Variants in MAP2 observed in about 807,000 individuals in gnomAD.
MAP2 encodes the protein microtubule associated protein 2.
Under a neutral mutation model 137.6 loss-of-function variants are expected in MAP2, and 14 were observed. The ratio of observed to expected loss-of-function variants is 0.10; its 90% confidence interval spans 0.07 to 0.16. MAP2 has a LOEUF of 0.16. Ranked by LOEUF, MAP2 falls within the 10% of genes least tolerant of loss-of-function variation. The pLI is 1.00. For missense variants in MAP2, 2,088 were observed against 2,191.5 expected (o/e 0.95, Z 0.94); for synonymous variants, 786 against 782.3 (o/e 1.00, Z -0.08).
chr2:209,685,092 A>G (rs1328871728), intron 7 of MAP2, among the ~76,000 whole-genome samples: 1 of 152,094 alleles, frequency 6.6e-6, no homozygotes, highest in Non-Finnish European at 1.5e-5. Flanking sequence ...TTTGCCCAAA[A>G]TGTTATGGTT....
intron 7 of MAP2, among the ~76,000 whole-genome samples, chr2:209,684,300 T>C (rs1241359619): frequency 6.6e-6 from 1 of 152,196 alleles, no homozygotes; most frequent in Admixed American, 6.6e-5. Flanking sequence ...TGTGGTGACC[T>C]AATCATCGCG....
intron 1 of MAP2, among the ~76,000 whole-genome samples, chr2:209,488,636 G>A (rs1445204419): frequency 6.6e-6 from 1 of 152,130 alleles, no homozygotes; most frequent in Non-Finnish European, 1.5e-5. Context: ...GCTTGGGTAG[G>A]TGGCTTTCCC....
At chr2:209,541,547 T>G (rs2067044219) in intron 2 of MAP2, among the ~76,000 whole-genome samples, 1 of 145,584 alleles carries the variant, frequency 6.9e-6, no homozygotes, top group Admixed American at 6.6e-5. Flanking sequence ...TTGATAGCAT[T>G]TCAACCACAG....
At chr2:209,655,667 G>A (rs934264610) in intron 5 of MAP2, among the ~76,000 whole-genome samples, 1 of 152,128 alleles carries the variant, frequency 6.6e-6, no homozygotes, top group Non-Finnish European at 1.5e-5. Flanking sequence ...CTTTGATGAT[G>A]GAGACTATAG....
At chr2:209,540,859 G>A (rs2066901720) in intron 2 of MAP2, among the ~76,000 whole-genome samples, 1 of 150,382 alleles carries the variant, frequency 6.6e-6, no homozygotes. Flanking sequence ...GTACCCTGGA[G>A]TTACTGCAGG....
chr2:209,704,884 A>G (rs1285895835), intron 11 of MAP2, among the ~76,000 whole-genome samples: 2 of 151,218 alleles, frequency 1.3e-5, no homozygotes, highest in African/African-American at 4.8e-5. Context: ...TAAAATATCA[A>G]ATGCAAACTA....
chr2:209,477,161 G>A (rs1311732478), intron 1 of MAP2, among the ~76,000 whole-genome samples: 1 of 152,138 alleles, frequency 6.6e-6, no homozygotes, highest in East Asian at 1.9e-4. Context: ...ACAAGTGTTA[G>A]TTTCTGTGCT....
At chr2:209,480,116 T>C (rs1457323274) in intron 1 of MAP2, among the ~76,000 whole-genome samples, 1 of 152,166 alleles carries the variant, frequency 6.6e-6, no homozygotes, top group African/African-American at 2.4e-5. Context: ...AATATGCACA[T>C]TGACTAAGAG....
At chr2:209,550,668 A>C (rs1173565195) in intron 2 of MAP2, among the ~76,000 whole-genome samples, 1 of 152,162 alleles carries the variant, frequency 6.6e-6, no homozygotes, top group African/African-American at 2.4e-5. Flanking sequence ...ATGATTAATA[A>C]ATAATCAAGA....
chr2:209,631,034 AAGAG>A (rs869180815), intron 4 of MAP2, among the ~76,000 whole-genome samples: 10 of 100,694 alleles, frequency 9.9e-5, no homozygotes, highest in East Asian at 2.7e-4. Flanking sequence ...AAAAAAAAAA[AAGAG>A]AGAGAGAGAG....
chr2:209,621,653 C>T (rs2091235473), intron 3 of MAP2, among the ~76,000 whole-genome samples: 1 of 152,124 alleles, frequency 6.6e-6, no homozygotes, highest in Admixed American at 6.6e-5. Context: ...AGAGTATATC[C>T]TGGCTCAACA....
chr2:209,564,089 T>A (rs1290112974), intron 2 of MAP2, among the ~76,000 whole-genome samples: 2 of 152,176 alleles, frequency 1.3e-5, no homozygotes, highest in African/African-American at 4.8e-5. Flanking sequence ...CATTTTTTTC[T>A]GGATTTTTAC....
intron 5 of MAP2, among the ~76,000 whole-genome samples, chr2:209,656,076 T>A (rs1258006552): frequency 6.6e-6 from 1 of 152,154 alleles, no homozygotes; most frequent in Non-Finnish European, 1.5e-5. Context: ...AGATCCTTAC[T>A]TTTTTCCCCC....
chr2:209,636,947 T>C (rs1321156060), intron 4 of MAP2, among the ~76,000 whole-genome samples: 1 of 152,142 alleles, frequency 6.6e-6, no homozygotes, highest in Non-Finnish European at 1.5e-5. Context: ...CTACCATGCT[T>C]AAGAGCCTAC....
intron 4 of MAP2, among the ~76,000 whole-genome samples, chr2:209,634,885 G>A (rs2093420715): frequency 6.6e-6 from 1 of 152,124 alleles, no homozygotes; most frequent in East Asian, 1.9e-4. Flanking sequence ...GAGAAAGCAA[G>A]CATTTTGCTT....
intron 4 of MAP2, among the ~76,000 whole-genome samples, chr2:209,650,105 T>C (rs2094683940): frequency 6.6e-6 from 1 of 152,194 alleles, no homozygotes; most frequent in Non-Finnish European, 1.5e-5. Flanking sequence ...CAGAAAGCTC[T>C]ATGGCAGGGG....
chr2:209,500,944 G>A (rs1308241214), intron 1 of MAP2, among the ~76,000 whole-genome samples: 1 of 150,804 alleles, frequency 6.6e-6, no homozygotes, highest in Non-Finnish European at 1.5e-5. Flanking sequence ...GGCTGAGGCG[G>A]GAGGATCATC....
intron 3 of MAP2, among the ~76,000 whole-genome samples, chr2:209,623,697 G>T (rs2091738823): frequency 6.6e-6 from 1 of 151,948 alleles, no homozygotes; most frequent in African/African-American, 2.4e-5. Context: ...ATTGTGCATA[G>T]AACTCTGTAT....
intron 3 of MAP2, among the ~76,000 whole-genome samples, chr2:209,593,256 A>G (rs1218920198): frequency 6.6e-6 from 1 of 151,932 alleles, no homozygotes; most frequent in Non-Finnish European, 1.5e-5. Flanking sequence ...TATTTCCTCA[A>G]GAGTGATTTT....
Sources: gnomAD v4.1 joint callset for allele counts (sites outside exome capture counted in the v4.1 genomes callset) on GRCh38, gnomAD v4.1.1 for gene constraint, MANE v1.5 for transcripts, NCBI Gene and HGNC (gene_info 2026-07-23, HGNC 2026-07-21) for gene names.